The following TXNRD1 variants were observed in gnomAD, a reference collection of about 807,000 sequenced individuals.
TXNRD1 encodes the protein thioredoxin reductase 1.
TXNRD1 carries 57 observed loss-of-function variants against 80.3 expected under a neutral mutation model. The ratio of observed to expected loss-of-function variants is 0.71; its 90% CI spans 0.57 to 0.89. The LOEUF (loss-of-function observed/expected upper bound fraction) is 0.89, where lower values mean the gene tolerates loss of function less well. Ranked by LOEUF, TXNRD1 falls within the 40% of genes least tolerant of loss-of-function variation. TXNRD1 has a pLI of 0.00. For missense variants in TXNRD1, 730 were observed against 803.0 expected (o/e 0.91, Z 1.10); for synonymous variants, 291 against 285.2 (o/e 1.02, Z -0.20).
At chr12:104,335,015 C>G (rs149603987) in intron 15 of TXNRD1, among the ~76,000 whole-genome samples, 172 of 152,248 alleles carry the variant, frequency 1.1e-3, no homozygotes, top group African/African-American at 4.1e-3. Flanking sequence ...TAAGAAAGAG[C>G]TCTTAATTGA....
chr12:104,341,647 C>T (rs1428788087), intron 16 of TXNRD1, among the ~76,000 whole-genome samples: 1 of 144,762 alleles, frequency 6.9e-6, no homozygotes. Context: ...TAGACACCAG[C>T]TGGGTGTCTA....
intron 3 of TXNRD1, among the ~76,000 whole-genome samples, chr12:104,267,699 TTCTCTCTTTCTTTCTTTCTTTCTC>T (rs2033553255): frequency 2.2e-5 from 1 of 46,408 alleles, no homozygotes; most frequent in East Asian, 1.6e-3. Flanking sequence ...CTTTCTTTCT[TTCTCTCTTTCTTTCTTTCTTTCTC>T]TTTCTTTCTT....
chr12:104,228,208 A>G (rs934465718), intron 1 of TXNRD1, among the ~76,000 whole-genome samples: 9 of 151,306 alleles, frequency 5.9e-5, no homozygotes, highest in Non-Finnish European at 4.4e-5. Flanking sequence ...AGGCTGAGGC[A>G]GGAGAATCAC....
chr12:104,271,629 T>A (rs944729854), intron 3 of TXNRD1, among the ~76,000 whole-genome samples: 1 of 152,130 alleles, frequency 6.6e-6, no homozygotes, highest in Admixed American at 6.6e-5. Context: ...CAAAGTACAT[T>A]GATCAGTCAG....
intron 15 of TXNRD1, among the ~76,000 whole-genome samples, chr12:104,337,860 C>T (rs1302007089): frequency 6.6e-6 from 1 of 151,502 alleles, no homozygotes; most frequent in African/African-American, 2.4e-5. Flanking sequence ...GATCATAGCT[C>T]ACTGCAGCCT....
intron 4 of TXNRD1, among the ~76,000 whole-genome samples, chr12:104,309,153 G>T (rs1336787710): frequency 6.6e-6 from 1 of 152,032 alleles, no homozygotes; most frequent in African/African-American, 2.4e-5. Context: ...TCCCGCTTCG[G>T]CCTCCCAAAG....
At chr12:104,222,968 A>G (rs533943723) in intron 1 of TXNRD1, among the ~76,000 whole-genome samples, 33 of 152,374 alleles carry the variant, frequency 2.2e-4, no homozygotes, top group African/African-American at 7.9e-4. Context: ...AGTCAAGTAC[A>G]GATACACTCT....
intron 1 of TXNRD1, among the ~76,000 whole-genome samples, chr12:104,218,781 T>C (rs1593674236): frequency 6.6e-6 from 1 of 152,046 alleles, no homozygotes. Context: ...CTAATTTTTT[T>C]ACATTTTGTA....
chr12:104,249,674 G>A (rs535277526), intron 1 of TXNRD1, among the ~76,000 whole-genome samples: 4 of 152,094 alleles, frequency 2.6e-5, no homozygotes, highest in Admixed American at 6.5e-5. Flanking sequence ...GGTGGTTCAC[G>A]CCTGTAATCT....
chr12:104,240,692 A>T (rs1250890672), intron 1 of TXNRD1, among the ~76,000 whole-genome samples: 1 of 151,960 alleles, frequency 6.6e-6, no homozygotes, highest in Non-Finnish European at 1.5e-5. Context: ...AATCAGAAAA[A>T]GCACCTACAT....
intron 3 of TXNRD1, among the ~76,000 whole-genome samples, chr12:104,261,322 G>A (rs1328819760): frequency 6.6e-6 from 1 of 151,914 alleles, no homozygotes; most frequent in Non-Finnish European, 1.5e-5. Flanking sequence ...CGCCACCACG[G>A]CCAATTTATT....
intron 1 of TXNRD1, among the ~76,000 whole-genome samples, chr12:104,251,117 G>GC: frequency 6.6e-6 from 1 of 152,336 alleles, no homozygotes; most frequent in South Asian, 2.1e-4. Flanking sequence ...CTGCCCCTAT[G>GC]TCTGTAAGCA....
At chr12:104,263,749 A>G (rs7138035) in intron 3 of TXNRD1, among the ~76,000 whole-genome samples, 138,391 of 152,238 alleles carry the variant, frequency 0.91, 63,109 homozygotes, top group Middle Eastern at 0.97. Context: ...TCACTAGCTT[A>G]GGGGTTCTGA....
Position 104,347,907 on chromosome 12 carries a change from CAA to C in TXNRD1, c.1882-445_1882-444del, listed in dbSNP as rs892360781. ...TTGCAGGTAAAGCTTCTTAAAAAAA[CAA>C]GAGAAATGCAGGAAGAAATGCCTAG... On this transcript the variant is annotated intron_variant, in intron 16 of 16. Coordinates refer to ENST00000525566, the MANE Select transcript of TXNRD1 (RefSeq NM_001093771.3). Among the ~76,000 whole-genome samples the C allele has an allele frequency of 7.2e-5, 11 of 151,782 alleles. 1 individual carries two copies. Among genetic ancestry groups the C allele is most frequent in the African/African-American group, 2.4e-4 (10 of 41,444 alleles).
At chr12:104,259,490 C>CTT (rs574276851) in intron 3 of TXNRD1, among the ~76,000 whole-genome samples, 7 of 128,708 alleles carry the variant, frequency 5.4e-5, no homozygotes, top group Admixed American at 1.6e-4. Flanking sequence ...AGTTTCATTT[C>CTT]TTTTTTTTTT....
At chr12:104,276,641 T>C (rs1222622414) in intron 3 of TXNRD1, 1 of 152,212 alleles carries the variant, frequency 6.6e-6, no homozygotes, top group Non-Finnish European at 1.5e-5. Context: ...AATTTGAAGC[T>C]TGAGTGAGTG....
chr12:104,298,589 T>C (rs2034509080), intron 4 of TXNRD1, among the ~76,000 whole-genome samples: 1 of 152,056 alleles, frequency 6.6e-6, no homozygotes, highest in East Asian at 1.9e-4. Context: ...CTGGGCGCGG[T>C]GGCACACACG....
At chr12:104,274,552 A>G (rs1162230651) in intron 3 of TXNRD1, among the ~76,000 whole-genome samples, 2 of 151,938 alleles carry the variant, frequency 1.3e-5, no homozygotes, top group Non-Finnish European at 2.9e-5. Flanking sequence ...AAAAAAAATT[A>G]GCTGGGCGTG....
intron 3 of TXNRD1, among the ~76,000 whole-genome samples, chr12:104,261,533 T>G (rs1399401022): frequency 6.6e-6 from 1 of 152,174 alleles, no homozygotes; most frequent in East Asian, 1.9e-4. Flanking sequence ...CTTTTTTAAA[T>G]GTGTGTTGCC....
Sources: gnomAD v4.1 joint callset for allele counts (sites outside exome capture counted in the v4.1 genomes callset) on GRCh38, gnomAD v4.1.1 for gene constraint, MANE v1.5 for transcripts, NCBI Gene and HGNC (gene_info 2026-07-23, HGNC 2026-07-21) for gene names.